Variants in TSPAN18 observed in about 807,000 individuals in gnomAD.
TSPAN18 encodes the protein tetraspanin-18.
Under a neutral mutation model 27.3 loss-of-function variants are expected in TSPAN18, and 14 were observed. The ratio of observed to expected loss-of-function variants is 0.51; its 90% confidence interval spans 0.34 to 0.80. The LOEUF (loss-of-function observed/expected upper bound fraction) is 0.80. Among genes scored for constraint, TSPAN18 ranks in the 30% least tolerant of loss-of-function variants. The pLI is 0.01. For missense variants in TSPAN18, 268 were observed against 323.9 expected (o/e 0.83, Z 1.32); for synonymous variants, 143 against 136.5 (o/e 1.05, Z -0.33).
Position 44,919,798 on chromosome 11 carries a change from C to T in TSPAN18, c.433-19C>T, listed in dbSNP as rs1345032463. 1 of 1,613,710 alleles carries T rather than the reference C, an allele frequency of 6.2e-7. No homozygotes were observed. Among genetic ancestry groups the T allele is most frequent in the Admixed American group, 1.7e-5 (1 of 59,992 alleles). On this transcript the variant is annotated intron_variant, in intron 7 of 9. Transcript: ENST00000520358. The stretch of plus-strand genomic sequence containing the variant: ...TCCTCCTCCTGCCCACCAGAACCTT[C>T]TCTGGGATCTCCCCCTAGTTTGGTT...
At chr11:44,882,547 A>C (rs1029335517) in intron 3 of TSPAN18, among the ~76,000 whole-genome samples, 2 of 150,102 alleles carry the variant, frequency 1.3e-5, no homozygotes, top group Admixed American at 1.3e-4. Context: ...TGATGTTAGC[A>C]GGTAGCGTTC....
chr11:44,789,712 GA>G (rs931100046), intron 2 of TSPAN18, among the ~76,000 whole-genome samples: 3 of 151,682 alleles, frequency 2.0e-5, no homozygotes, highest in Non-Finnish European at 4.4e-5. Context: ...GGAATGAGAA[GA>G]AAAAAAATAC....
chr11:44,742,400 C>T (rs1854965345), intron 1 of TSPAN18, among the ~76,000 whole-genome samples: 2 of 147,964 alleles, frequency 1.4e-5, no homozygotes, highest in Admixed American at 1.4e-4. Context: ...TTTCTTCGTT[C>T]CTTCCCTCCC....
chr11:44,754,819 T>C (rs1855294602), intron 1 of TSPAN18, among the ~76,000 whole-genome samples: 1 of 152,154 alleles, frequency 6.6e-6, no homozygotes, highest in African/African-American at 2.4e-5. Context: ...CTTACCTCCT[T>C]GAAGTGATGA....
At chr11:44,756,775 A>G (rs541736697) in intron 1 of TSPAN18, among the ~76,000 whole-genome samples, 45 of 152,344 alleles carry the variant, frequency 3.0e-4, no homozygotes, top group African/African-American at 1.0e-3. Context: ...CTAATACTCC[A>G]TTGTGTAGAT....
intron 3 of TSPAN18, chr11:44,903,586 C>G (rs1859345320): frequency 4.4e-6 from 2 of 456,374 alleles, no homozygotes; most frequent in South Asian, 3.1e-5. Flanking sequence ...AGTCCCAGCC[C>G]AGAGGCTGCA....
intron 2 of TSPAN18, among the ~76,000 whole-genome samples, chr11:44,808,185 A>G (rs886423714): frequency 1.3e-5 from 2 of 152,192 alleles, no homozygotes; most frequent in African/African-American, 4.8e-5. Flanking sequence ...GGAAAGTGAT[A>G]TTATTCCCAT....
In TSPAN18 at chr11:44,818,726, C is replaced by T. The variant is rs115833144; in HGVS notation, c.-152-41602C>T. Among the ~76,000 whole-genome samples, 631 of 152,234 alleles carry T rather than the reference C, an allele frequency of 4.1e-3. 4 individuals are homozygous for T. Among genetic ancestry groups the T allele is most frequent in the African/African-American group, 0.014 (602 of 41,520 alleles). On this transcript the variant is annotated intron_variant, in intron 2 of 9. Transcript: ENST00000520358. ...AAGAAGTGAACAGTTATGTACTGAC[C>T]GCTCATGTGCCAGGCCCTACATAGC... is the stretch of plus-strand genomic sequence containing the variant.
chr11:44,815,895 G>A (rs886988424), intron 2 of TSPAN18, among the ~76,000 whole-genome samples: 1 of 152,192 alleles, frequency 6.6e-6, no homozygotes, highest in Non-Finnish European at 1.5e-5. Context: ...AGGAGGCTGG[G>A]TGGCTGGGCA....
At chr11:44,790,532 ATGTGTGTGCATGTT>A (rs1243835986) in intron 2 of TSPAN18, among the ~76,000 whole-genome samples, 3 of 101,594 alleles carry the variant, frequency 3.0e-5, no homozygotes, top group African/African-American at 7.8e-5. Context: ...TGGTGTGTGC[ATGTGTGTGCATGTT>A]TGTGTGTGCA....
At chr11:44,759,802 A>G (rs79733457) in intron 1 of TSPAN18, among the ~76,000 whole-genome samples, 8,174 of 152,330 alleles carry the variant, frequency 0.054, 295 homozygotes, top group African/African-American at 0.096. Flanking sequence ...TGAGGAACTC[A>G]TAGTCTGGTA....
intron 2 of TSPAN18, among the ~76,000 whole-genome samples, chr11:44,824,475 G>C (rs1334829720): frequency 5.3e-5 from 8 of 152,162 alleles, no homozygotes; most frequent in Admixed American, 5.2e-4. Flanking sequence ...AGAAAGGAAT[G>C]CTTCCCTAGG....
intron 1 of TSPAN18, among the ~76,000 whole-genome samples, chr11:44,747,792 C>A (rs1401226249): frequency 1.3e-5 from 2 of 152,162 alleles, no homozygotes; most frequent in African/African-American, 4.8e-5. Flanking sequence ...CTCATCTTTC[C>A]ACACTCAAAG....
At chr11:44,873,186 C>A (rs1858241714) in intron 3 of TSPAN18, among the ~76,000 whole-genome samples, 2 of 152,256 alleles carry the variant, frequency 1.3e-5, no homozygotes, top group African/African-American at 4.8e-5. Context: ...CTTGGCAGCA[C>A]AGGGGCCCTG....
chr11:44,731,633 T>TGTGTGAGAGAGA (rs139154582), intron 1 of TSPAN18, among the ~76,000 whole-genome samples: 2,342 of 107,376 alleles, frequency 0.022, 48 homozygotes, highest in Non-Finnish European at 0.033. Flanking sequence ...TGTGTGTGTG[T>TGTGTGAGAGAGA]GAGAGAGAGA....
chr11:44,735,508 G>A (rs561107548), intron 1 of TSPAN18, among the ~76,000 whole-genome samples: 1 of 152,106 alleles, frequency 6.6e-6, no homozygotes, highest in Non-Finnish European at 1.5e-5. Flanking sequence ...GTGTTCTTTG[G>A]CTGGTAAATG....
chr11:44,920,579 C>T (rs1860092642), intron 8 of TSPAN18, among the ~76,000 whole-genome samples: 1 of 152,190 alleles, frequency 6.6e-6, no homozygotes, highest in Non-Finnish European at 1.5e-5. Context: ...TGTGTGCCTC[C>T]TGCCCACACA....
chr11:44,894,795 C>G lies in TSPAN18; in HGVS notation c.-10-11612C>G, dbSNP rs141151254. Among the ~76,000 whole-genome samples, 1,483 of 152,342 alleles carry G rather than the reference C, an allele frequency of 9.7e-3. 24 individuals are homozygous for G. Among genetic ancestry groups the G allele is most frequent in the African/African-American group, 0.034 (1,413 of 41,580 alleles). ...GCCAACTTCCTGGGCCTCTGTGCCT[C>G]GCTGCCTGGTTCAGGGAAGAGCAGC... On this transcript the variant is annotated intron_variant, in intron 3 of 9. Transcript: ENST00000520358.
intron 3 of TSPAN18, among the ~76,000 whole-genome samples, chr11:44,877,705 G>T (rs923910788): frequency 6.6e-6 from 1 of 152,116 alleles, no homozygotes; most frequent in Non-Finnish European, 1.5e-5. Flanking sequence ...GTTCCACTTC[G>T]CCCACAGCCC....
Sources: allele counts gnomAD v4.1 joint callset (sites outside exome capture counted in the v4.1 genomes callset), GRCh38; gene constraint gnomAD v4.1.1; transcripts MANE v1.5; gene names NCBI Gene and HGNC (gene_info 2026-07-23, HGNC 2026-07-21).